The following USP36 variants were observed in gnomAD, a reference collection of about 807,000 sequenced individuals.
USP36 encodes ubiquitin carboxyl-terminal hydrolase 36.
A neutral mutation model predicts 111.5 loss-of-function variants in USP36; 59 were observed. The observed-to-expected ratio is 0.53, with a 90% confidence interval of 0.43 to 0.66. USP36 has a LOEUF of 0.66. USP36 is among the 30% of genes least tolerant of loss of function. The probability of loss-of-function intolerance (pLI) is 0.00; values close to 1 mark genes in which losing one functional copy is unlikely to be tolerated. For synonymous variants in USP36, 628 were observed against 581.0 expected (o/e 1.08, Z -1.16); for missense variants, 1,488 against 1,468.0 (o/e 1.01, Z -0.22).
chr17:78,837,445 TCTCCAAAC>T (rs2068787581), intron 2 of USP36, among the ~76,000 whole-genome samples: 1 of 152,110 alleles, frequency 6.6e-6, no homozygotes, highest in Admixed American at 6.6e-5. Flanking sequence ...TACTATGACT[TCTCCAAAC>T]CCCCTATTCT....
At position 78,821,387 on chromosome 17, in the gene USP36, AATATATATATATATAT is replaced by A. The variant is rs1174218979; in HGVS notation, c.758-342_758-327del. 3.7e-3 allele frequency: 202 copies of A among 54,778 alleles called. 11 individuals are homozygous for A. Among genetic ancestry groups the A allele is most frequent in the African/African-American group, 0.021 (188 of 9,170 alleles). 3.4% of individuals were successfully genotyped at this position (54,778 alleles called of 1,614,324 possible). A position where few individuals can be genotyped will look rare whatever the true frequency, so the allele number is the denominator to read the frequency against. ...CGCGTGCACGGCACTTCCTAATGAG[AATATATATATATATAT>A]ATATATATATATATATATTTTTTTT... On this transcript the variant is annotated intron_variant, in intron 7 of 20. Transcript: ENST00000449938.
Position 78,796,997 on chromosome 17 carries a change from A to G in USP36, c.*903T>C, listed in dbSNP as rs2093639028. 6.6e-6 allele frequency: 1 copy of G among 152,248 alleles called. No individual in the cohort carries two copies. The highest frequency in any genetic ancestry group is 6.5e-5 in the Admixed American group (1 of 15,282). The allele number at this position is 152,248 out of a possible 1,614,324, so 9.4% of individuals were successfully genotyped here. ...TCATTTAAATTCCAAAGCACTCACA[A>G]AATTGAGCAAACAAAGCCACTATTT... is the stretch of plus-strand genomic sequence containing the variant. On this transcript the variant is annotated 3_prime_UTR_variant, in exon 21 of 21. Coordinates refer to ENST00000449938, the MANE Select transcript of USP36 (RefSeq NM_001385174.1).
At position 78,818,650 on chromosome 17, in the gene USP36, G is replaced by A. The variant is rs747113355; in HGVS notation, c.1023+17C>T. On this transcript the variant is annotated intron_variant, in intron 10 of 20. Coordinates refer to ENST00000449938, the MANE Select transcript of USP36 (RefSeq NM_001385174.1). ...GTGGCCCACGGAGCTGCCTGGGATGGTGTCACGAGCGCTCACCTTGGTGAT... is the reference window on the plus strand; with the variant it reads ...GTGGCCCACGGAGCTGCCTGGGATGATGTCACGAGCGCTCACCTTGGTGAT... 9.9e-6 allele frequency: 16 copies of A among 1,610,814 alleles called. No homozygotes were observed. Among genetic ancestry groups the A allele is most frequent in the Non-Finnish European group, 1.0e-5 (12 of 1,177,244 alleles).
chr17:78,795,697 T>TG lies in USP36; in HGVS notation c.*2202dup, dbSNP rs1039644159. On this transcript the variant is annotated 3_prime_UTR_variant, in exon 21 of 21. Transcript: ENST00000449938. This position sits in a 1 kb window ranked among gnomAD's most constrained non-coding sequence, Gnocchi z 4.5. ...ATTGCACCAAGATCTTGGCAACACG[T>TG]GGGGCTCCCCAGGCCCCCGGAAAGG... is the stretch of plus-strand genomic sequence containing the variant. 2.0e-5 allele frequency: 3 copies of TG among 151,870 alleles called. No homozygotes were observed. Among genetic ancestry groups the TG allele is most frequent in the African/African-American group, 7.3e-5 (3 of 41,302 alleles). 9.4% of individuals were successfully genotyped at this position (151,870 alleles called of 1,614,324 possible). A position where few individuals can be genotyped will look rare whatever the true frequency, so the allele number is the denominator to read the frequency against.
At chr17:78,812,612 C>T (rs891460674) in intron 13 of USP36, among the ~76,000 whole-genome samples, 32 of 150,414 alleles carry the variant, frequency 2.1e-4, no homozygotes, top group African/African-American at 7.9e-4. Context: ...ATGGCGGGAA[C>T]CCGGGAGGCA....
intron 17 of USP36, among the ~76,000 whole-genome samples, 173 bp downstream of exon 17, chr17:78,802,151 A>G (rs1598978467): frequency 1.2e-5 from 1 of 82,710 alleles, no homozygotes; most frequent in Non-Finnish European, 2.3e-5. Flanking sequence ...CCTGGTGCAC[A>G]CCCACGCGGT....
Position 78,818,759 on chromosome 17 carries a change from C to T in USP36, c.931G>A (p.Ala311Thr). 1 of 1,613,956 alleles carries T rather than the reference C, an allele frequency of 6.2e-7. No individual in the cohort carries two copies. The highest frequency in any genetic ancestry group is 1.1e-5 in the South Asian group (1 of 91,072). The part of the protein sequence containing the change: ...MCAKCKKKVP[A>T]SKRFTIHRTS... ...CTGTGGATGGTGAAGCGCTTGCTGGCTGGAACCTTCTTCTTGCATCTATGA... is the reference window on the plus strand; with the variant it reads ...CTGTGGATGGTGAAGCGCTTGCTGGTTGGAACCTTCTTCTTGCATCTATGA... Residue 311 changes from alanine (A) to threonine (T), a missense_variant, in exon 10 of 21, where the codon GCC (alanine) becomes ACC (threonine). Physicochemically the swap from Ala to Thr is moderately conservative, Grantham distance 58. This residue lies in a region of USP36 where 196 missense variants were observed against 264.4 expected (regional missense o/e 0.74). Coordinates refer to ENST00000449938, the MANE Select transcript of USP36 (RefSeq NM_001385174.1).
chr17:78,798,261 ACACACCACC>A lies in USP36; in HGVS notation c.*20+130_*20+138del. On this transcript the variant is annotated intron_variant, in intron 20 of 20. Transcript: ENST00000449938. This position sits in a 1 kb window ranked among gnomAD's most constrained non-coding sequence, Gnocchi z 5.1. ...CACACCACAGACGCGCCCACACCAC[ACACACCACC>A]CAACACACATGTGCCAGATACACAG... The A allele has an allele frequency of 8.4e-7, 1 of 1,188,602 alleles. No homozygotes were observed. The highest frequency in any genetic ancestry group is 1.2e-6 in the Non-Finnish European group (1 of 862,394). The allele number at this position is 1,188,602 out of a possible 1,614,324, so 73.6% of individuals were successfully genotyped here. A position where few individuals can be genotyped will look rare whatever the true frequency, so the allele number is the denominator to read the frequency against.
chr17:78,819,610 G>A (rs899894045), intron 9 of USP36, among the ~76,000 whole-genome samples: 1 of 152,258 alleles, frequency 6.6e-6, no homozygotes, highest in African/African-American at 2.4e-5. Flanking sequence ...ACGTCCTCTT[G>A]GTGTGGCCCC....
downstream of USP36, among the ~76,000 whole-genome samples, chr17:78,792,967 C>T (rs548444793): frequency 1.2e-4 from 19 of 152,252 alleles, no homozygotes; most frequent in African/African-American, 4.6e-4. Flanking sequence ...CCGCCCGCCT[C>T]AGCCTCCCAA....
At chr17:78,825,839 G>A (rs2067489854) in intron 6 of USP36, among the ~76,000 whole-genome samples, 1 of 152,158 alleles carries the variant, frequency 6.6e-6, no homozygotes, top group Non-Finnish European at 1.5e-5. Flanking sequence ...CCTCCTCCTG[G>A]GGACACCTAC....
Position 78,812,923 on chromosome 17 carries a change from C to T in USP36, c.1344G>A (p.Val448=). Residue 448 remains valine, a synonymous_variant, in exon 13 of 21, where the codon GTG becomes GTA. Coordinates refer to ENST00000449938, the MANE Select transcript of USP36 (RefSeq NM_001385174.1). ...TGTTCTTCTTGGAGTGATCTGGAAT[C>T]ACACTCGGGCGGCCGGGAAGGGAGG... ...GSSSLPGRPS[V]IPDHSKKNIG... 4 of 1,613,978 alleles carry T rather than the reference C, an allele frequency of 2.5e-6. No individual in the cohort carries two copies. The highest frequency in any genetic ancestry group is 3.4e-6 in the Non-Finnish European group (4 of 1,179,996).
chr17:78,824,865 G>T (rs768525057), intron 6 of USP36, among the ~76,000 whole-genome samples: 13 of 152,188 alleles, frequency 8.5e-5, no homozygotes, highest in Non-Finnish European at 1.2e-4. Flanking sequence ...AGCAGGGGCT[G>T]CAGCACTGAC....
In USP36 at chr17:78,798,496, T is replaced by C; in HGVS notation, c.3296A>G (p.Gln1099Arg). 3 of 1,614,220 alleles carry C rather than the reference T, an allele frequency of 1.9e-6. No individual in the cohort carries two copies. The highest frequency in any genetic ancestry group is 2.5e-6 in the Non-Finnish European group (3 of 1,180,044). Residue 1099 changes from glutamine (Q) to arginine (R), a missense_variant, in exon 20 of 21, where the codon CAG becomes CGG. Gln to Arg is a conservative substitution (Grantham distance 43). Around this residue, in one of 3 missense-constraint regions of USP36, gnomAD observed 1,073 missense variants for 994.1 expected, o/e 1.08. Transcript: ENST00000449938. This position sits in a 1 kb window ranked among gnomAD's most constrained non-coding sequence, Gnocchi z 5.1. ...GAAGTTCCGTCGAGTCTGAAGTTTC[T>C]GGAAGGCGTTGAAGTTTCTCCTCTT... ...REKRRNFNAF[Q>R]KLQTRRNFWS...
chr17:78,813,667 G>A, intron 12 of USP36, 106 bp downstream of exon 12: 2 of 967,964 alleles, frequency 2.1e-6, no homozygotes, highest in Non-Finnish European at 3.2e-6. Flanking sequence ...AATCCCTCCA[G>A]TGGAATTCCC....
At chr17:78,806,325 A>G in intron 14 of USP36, 39 bp from the exon 15 acceptor site, 2 of 1,612,686 alleles carry the variant, frequency 1.2e-6, no homozygotes, top group African/African-American at 1.3e-5. Context: ...GGTGGTCTAA[A>G]AAAGGTTTCC....
chr17:78,808,225 C>T (rs1444889959), intron 13 of USP36, among the ~76,000 whole-genome samples: 6 of 148,082 alleles, frequency 4.1e-5, no homozygotes, highest in Admixed American at 4.0e-4. Context: ...TTATCTCAAG[C>T]ATTTTTATGG....
chr17:78,803,292 G>C lies in USP36; in HGVS notation c.2810+93C>G, dbSNP rs374046674. 25 of 1,387,856 alleles carry C rather than the reference G, an allele frequency of 1.8e-5. No homozygotes were observed. The highest frequency in any genetic ancestry group is 9.9e-7 in the Non-Finnish European group (1 of 1,010,962). The allele number at this position is 1,387,856 out of a possible 1,614,324, so 86.0% of individuals were successfully genotyped here. On this transcript the variant is annotated intron_variant, in intron 16 of 20. Transcript: ENST00000449938. The surrounding 1 kb of genome is among the most constrained non-coding windows in gnomAD (Gnocchi z 4.6). ...TTAGAAAACCACGCAAGCAGACTACGTTTCCAGACCATACCTACTTGGGGG... is the reference window on the plus strand; with the variant it reads ...TTAGAAAACCACGCAAGCAGACTACCTTTCCAGACCATACCTACTTGGGGG...
At chr17:78,802,581 G>A (rs1421555930) in intron 16 of USP36, 46 bp from the exon 17 acceptor site, 2 of 1,555,500 alleles carry the variant, frequency 1.3e-6, no homozygotes, top group East Asian at 2.3e-5. Context: ...CAAATTGGAA[G>A]GGGAGCAGGA....
Sources: gnomAD v4.1 joint callset for allele counts (sites outside exome capture counted in the v4.1 genomes callset) on GRCh38, gnomAD v4.1.1 for gene constraint, gnomAD v4.1.1 regional missense constraint, Gnocchi (gnomAD v3.1) non-coding constraint, MANE v1.5 for transcripts, NCBI Gene and HGNC (gene_info 2026-07-23, HGNC 2026-07-21) for gene names.